The following NCKAP5 variants were observed in gnomAD, a reference collection of about 807,000 sequenced individuals.
NCKAP5 encodes nck-associated protein 5.
NCKAP5 carries 92 observed loss-of-function variants against 167.0 expected under a neutral mutation model. That is an observed-to-expected ratio of 0.55 (90% CI 0.47 to 0.66). The LOEUF is 0.66. Ranked by LOEUF, NCKAP5 falls within the 30% of genes least tolerant of loss-of-function variation. NCKAP5 has a pLI of 0.00. For synonymous variants in NCKAP5, 891 were observed against 877.4 expected (o/e 1.02, Z -0.27); for missense variants, 2,378 against 2,315.0 (o/e 1.03, Z -0.56).
chr2:133,346,009 G>A (rs1337362171), intron 3 of NCKAP5, among the ~76,000 whole-genome samples: 1 of 152,168 alleles, frequency 6.6e-6, no homozygotes, highest in South Asian at 2.1e-4. Context: ...ATTCAGGACT[G>A]AACCTGAAAG....
intron 5 of NCKAP5, among the ~76,000 whole-genome samples, chr2:133,132,923 G>A (rs145498533): frequency 0.055 from 8,394 of 152,066 alleles, 285 homozygotes; most frequent in African/African-American, 0.089. Flanking sequence ...TGATCTGCCC[G>A]CCTCAGCCTC....
chr2:133,120,061 TAAAC>T (rs1483908067), intron 6 of NCKAP5, among the ~76,000 whole-genome samples: 1 of 152,000 alleles, frequency 6.6e-6, no homozygotes, highest in African/African-American at 2.4e-5. Flanking sequence ...TTACAGAAAA[TAAAC>T]AAGGAAAAAG....
At chr2:132,848,728 C>A (rs1688857158) in intron 11 of NCKAP5, among the ~76,000 whole-genome samples, 1 of 152,146 alleles carries the variant, frequency 6.6e-6, no homozygotes, top group Non-Finnish European at 1.5e-5. Flanking sequence ...GAAGCTGAGG[C>A]AGAAGGGTCA....
At chr2:133,024,727 C>A (rs537917628) in intron 6 of NCKAP5, among the ~76,000 whole-genome samples, 59 of 152,290 alleles carry the variant, frequency 3.9e-4, no homozygotes, top group African/African-American at 1.4e-3. Flanking sequence ...TTCTAGCTTG[C>A]GCTCATAAAG....
intron 2 of NCKAP5, among the ~76,000 whole-genome samples, chr2:133,542,835 A>G (rs571372936): frequency 2.6e-5 from 4 of 152,336 alleles, no homozygotes; most frequent in African/African-American, 9.6e-5. Flanking sequence ...GGATAAAATC[A>G]GGAGTTTTAA....
the NCKAP5 span, among the ~76,000 whole-genome samples, chr2:133,651,383 G>A: frequency 3.3e-5 from 5 of 152,098 alleles, no homozygotes; most frequent in African/African-American, 9.7e-5. Context: ...ACATACACAT[G>A]GCCATGAGGT....
intron 16 of NCKAP5, among the ~76,000 whole-genome samples, chr2:132,751,961 G>T (rs2104793161): frequency 6.6e-6 from 1 of 152,312 alleles, no homozygotes; most frequent in East Asian, 1.9e-4. Context: ...GAGTTCCCTG[G>T]CAGACCAGTC....
In NCKAP5 at chr2:132,716,248, A is replaced by C. The variant is rs565821278; in HGVS notation, c.5713+9379T>G. Among the ~76,000 whole-genome samples the C allele has an allele frequency of 9.2e-5, 14 of 152,290 alleles. No individual in the cohort carries two copies. In the South Asian group the frequency reaches 2.7e-3, roughly 29 times the overall value. ...TCAAACATGCTCATGGGGCTGCAGAAATGTCAGTTGTCTTGGAAACCACTC... is the reference window on the plus strand; with the variant it reads ...TCAAACATGCTCATGGGGCTGCAGACATGTCAGTTGTCTTGGAAACCACTC... On this transcript the variant is annotated intron_variant, in intron 19 of 19. Transcript: ENST00000409261.
rs116936604 is a variant in NCKAP5, at chr2:133,494,194, C to T, written c.69+23264G>A. On this transcript the variant is annotated intron_variant, in intron 3 of 19. Transcript: ENST00000409261. ...ATTTGCCTCTGCAATTTGAGACAGA[C>T]CCTTCATTGTACCTTAAGTGTTCAT... Among the ~76,000 whole-genome samples, 32 of 152,292 alleles carry T rather than the reference C, an allele frequency of 2.1e-4. No homozygotes were observed. The East Asian group carries it at 6.2e-3, about 29-fold the overall frequency.
At chr2:133,345,212 C>T (rs1308563641) in intron 3 of NCKAP5, among the ~76,000 whole-genome samples, 1 of 152,122 alleles carries the variant, frequency 6.6e-6, no homozygotes, top group African/African-American at 2.4e-5. Flanking sequence ...CCCAGCCGCC[C>T]CATTGTCTGG....
At chr2:133,485,953 G>T (rs961155073) in intron 3 of NCKAP5, among the ~76,000 whole-genome samples, 5 of 152,144 alleles carry the variant, frequency 3.3e-5, no homozygotes, top group Non-Finnish European at 7.4e-5. Flanking sequence ...ATGCCCATCT[G>T]AAAGGATAAA....
intron 19 of NCKAP5, among the ~76,000 whole-genome samples, chr2:132,678,508 T>G (rs1183581767): frequency 2.6e-5 from 4 of 152,114 alleles, no homozygotes; most frequent in Admixed American, 6.5e-5. Context: ...CAACATAATT[T>G]CTTATTTCTC....
chr2:133,148,695 G>A (rs1280037144), intron 5 of NCKAP5, among the ~76,000 whole-genome samples: 1 of 152,080 alleles, frequency 6.6e-6, no homozygotes, highest in South Asian at 2.1e-4. Flanking sequence ...TTTACAGATG[G>A]ACACCTGCCC....
At chr2:132,741,914 T>C (rs1679234748) in intron 16 of NCKAP5, among the ~76,000 whole-genome samples, 1 of 152,130 alleles carries the variant, frequency 6.6e-6, no homozygotes, top group South Asian at 2.1e-4. Context: ...ACTTCTGGGC[T>C]TGTGCGTATG....
At chr2:132,974,688 T>C (rs1437062798) in intron 7 of NCKAP5, among the ~76,000 whole-genome samples, 1 of 152,250 alleles carries the variant, frequency 6.6e-6, no homozygotes, top group Non-Finnish European at 1.5e-5. Context: ...TGAGAATCTG[T>C]GATCTTTAGC....
At chr2:133,381,269 G>T (rs1231802197) in intron 3 of NCKAP5, among the ~76,000 whole-genome samples, 2 of 152,152 alleles carry the variant, frequency 1.3e-5, no homozygotes, top group East Asian at 1.9e-4. Flanking sequence ...CCAAGATGCT[G>T]CACCAGAATC....
At chr2:132,956,219 T>C (rs777933165) in intron 8 of NCKAP5, among the ~76,000 whole-genome samples, 6 of 152,254 alleles carry the variant, frequency 3.9e-5, no homozygotes, top group Non-Finnish European at 7.3e-5. Context: ...AATTATAAAT[T>C]ACCAATTTAC....
At chr2:132,816,747 G>A (rs777654074) in intron 11 of NCKAP5, among the ~76,000 whole-genome samples, 8 of 152,082 alleles carry the variant, frequency 5.3e-5, no homozygotes, top group Non-Finnish European at 8.8e-5. Flanking sequence ...AATATGACAC[G>A]GAGCTATGGA....
At chr2:133,352,424 A>G (rs1684425799) in intron 3 of NCKAP5, among the ~76,000 whole-genome samples, 1 of 152,244 alleles carries the variant, frequency 6.6e-6, no homozygotes, top group African/African-American at 2.4e-5. Context: ...TGCAGGAGGC[A>G]TCATTGCTCT....
Sources: gnomAD v4.1 joint callset for allele counts (sites outside exome capture counted in the v4.1 genomes callset) on GRCh38, gnomAD v4.1.1 for gene constraint, MANE v1.5 for transcripts, NCBI Gene and HGNC (gene_info 2026-07-23, HGNC 2026-07-21) for gene names.